Variants in SYT14 observed in about 807,000 individuals in gnomAD.
SYT14 encodes synaptotagmin 14, also known as synaptotagmin-14.
A neutral mutation model predicts 74.2 loss-of-function variants in SYT14; 32 were observed. The observed-to-expected ratio is 0.43, with a 90% CI of 0.33 to 0.58. SYT14 has a LOEUF of 0.58. Ranked by LOEUF, SYT14 falls within the 20% of genes least tolerant of loss-of-function variation. The pLI is 0.05. For missense variants in SYT14, 791 were observed against 981.8 expected, an observed-to-expected ratio of 0.81 and a Z score of 2.60; for synonymous variants, 298 against 337.7, an observed-to-expected ratio of 0.88 and a Z score of 1.29.
At chr1:210,137,764 T>A (rs1051946343) in intron 7 of SYT14, among the ~76,000 whole-genome samples, 3 of 149,482 alleles carry the variant, frequency 2.0e-5, no homozygotes, top group Non-Finnish European at 3.0e-5. Flanking sequence ...CACTGCAACC[T>A]CCGCCTCCTG....
At chr1:209,979,554 T>C (rs2079442303) in intron 2 of SYT14, among the ~76,000 whole-genome samples, 1 of 152,008 alleles carries the variant, frequency 6.6e-6, no homozygotes, top group African/African-American at 2.4e-5. Context: ...ATCAACTAGG[T>C]ATTAAGCCCA....
At chr1:210,030,413 C>T (rs1162988561) in intron 5 of SYT14, among the ~76,000 whole-genome samples, 1 of 152,098 alleles carries the variant, frequency 6.6e-6, no homozygotes, top group East Asian at 1.9e-4. Context: ...CTCAGCTGCC[C>T]AAAGTGCTGA....
intron 1 of SYT14, among the ~76,000 whole-genome samples, chr1:209,950,190 CT>C (rs1369348305): frequency 6.6e-6 from 1 of 152,068 alleles, no homozygotes; most frequent in Non-Finnish European, 1.5e-5. Context: ...CGTGATTTAA[CT>C]GTGTAACTCA....
chr1:210,142,908 G>T (rs1293553633), intron 7 of SYT14, among the ~76,000 whole-genome samples: 1 of 152,174 alleles, frequency 6.6e-6, no homozygotes, highest in Non-Finnish European at 1.5e-5. Flanking sequence ...GTTAGCTCAC[G>T]TAATCTTATC....
intron 6 of SYT14, 66 bp from the exon 6 acceptor site, chr1:210,099,946 A>AT (rs1413739781): frequency 1.9e-5 from 27 of 1,401,080 alleles, no homozygotes; most frequent in Non-Finnish European, 2.6e-5. Flanking sequence ...AATATCAAGT[A>AT]TTTATTTACA....
At chr1:209,944,213 G>A (rs2102650668) in intron 1 of SYT14, among the ~76,000 whole-genome samples, 1 of 152,214 alleles carries the variant, frequency 6.6e-6, no homozygotes, top group African/African-American at 2.4e-5. Flanking sequence ...TTGTTTTATT[G>A]TCAGTTGACT....
chr1:210,163,796 C>G (rs2083421912), exon 10 of SYT14: 1 of 453,678 alleles, frequency 2.2e-6, no homozygotes, highest in Non-Finnish European at 4.4e-6. Flanking sequence ...CGAGACAGTA[C>G]TACTGCTTCT....
chr1:210,049,162 A>G (rs2080941456), intron 5 of SYT14, among the ~76,000 whole-genome samples: 1 of 152,112 alleles, frequency 6.6e-6, no homozygotes, highest in African/African-American at 2.4e-5. Flanking sequence ...CCATTGGTGG[A>G]TCTCCCATTC....
chr1:210,033,687 T>C (rs1022738135), intron 5 of SYT14, among the ~76,000 whole-genome samples: 1 of 151,792 alleles, frequency 6.6e-6, no homozygotes, highest in Non-Finnish European at 1.5e-5. Flanking sequence ...AAGGCAGTTA[T>C]TTACTATCCA....
At chr1:210,167,755 T>C (rs1436938755) in exon 10 of SYT14, 1 of 152,190 alleles carries the variant, frequency 6.6e-6, no homozygotes, top group Non-Finnish European at 1.5e-5. Flanking sequence ...ATTACTAGTT[T>C]ATTATCAAAA....
intron 5 of SYT14, among the ~76,000 whole-genome samples, chr1:210,081,497 A>G (rs2081615543): frequency 6.6e-6 from 1 of 152,228 alleles, no homozygotes; most frequent in Non-Finnish European, 1.5e-5. Flanking sequence ...GTGTACTAGT[A>G]TTATGCCAAA....
At chr1:210,090,910 A>G (rs2081854299) in intron 5 of SYT14, among the ~76,000 whole-genome samples, 1 of 152,176 alleles carries the variant, frequency 6.6e-6, no homozygotes, top group African/African-American at 2.4e-5. Flanking sequence ...TTCCACCTAC[A>G]TTTGTGTGTT....
intron 5 of SYT14, among the ~76,000 whole-genome samples, chr1:210,064,270 T>G (rs1006327381): frequency 1.3e-5 from 2 of 152,056 alleles, no homozygotes; most frequent in Non-Finnish European, 2.9e-5. Context: ...TTCTTTTAAT[T>G]TTGGTAAAAT....
At chr1:210,036,334 T>C (rs931293415) in intron 5 of SYT14, among the ~76,000 whole-genome samples, 13 of 151,938 alleles carry the variant, frequency 8.6e-5, no homozygotes, top group African/African-American at 2.9e-4. Context: ...GAGGAGTCTT[T>C]AGAGAGATGA....
intron 2 of SYT14, among the ~76,000 whole-genome samples, chr1:210,013,001 C>T (rs2080114018): frequency 6.6e-6 from 1 of 151,692 alleles, no homozygotes; most frequent in African/African-American, 2.4e-5. Context: ...CACGCCTGGC[C>T]TTTTTTCTAA....
chr1:209,946,980 C>G (rs2078833085), intron 1 of SYT14, among the ~76,000 whole-genome samples: 1 of 152,172 alleles, frequency 6.6e-6, no homozygotes. Context: ...AAATAGAAAA[C>G]AGAGCCTAAA....
chr1:210,155,982 A>G (rs1470453396), intron 8 of SYT14, 72 bp downstream of exon 7: 14 of 1,336,136 alleles, frequency 1.0e-5, no homozygotes, highest in Middle Eastern at 1.8e-4. Flanking sequence ...AGGGAGTTCA[A>G]TCCTATCATT....
At chr1:210,028,907 A>G (rs1038457634) in intron 5 of SYT14, among the ~76,000 whole-genome samples, 8 of 152,122 alleles carry the variant, frequency 5.3e-5, no homozygotes, top group Non-Finnish European at 8.8e-5. Context: ...CAAGCGTTCC[A>G]ATTTCTCTGC....
chr1:209,938,536 C>T (rs2078674380), intron 1 of SYT14, among the ~76,000 whole-genome samples: 2 of 151,956 alleles, frequency 1.3e-5, no homozygotes, highest in Non-Finnish European at 2.9e-5. Flanking sequence ...CGGGGCAAAG[C>T]GGGCTGGCGG....
Sources: allele counts gnomAD v4.1 joint callset (sites outside exome capture counted in the v4.1 genomes callset), GRCh38; gene constraint gnomAD v4.1.1; transcripts MANE v1.5; gene names NCBI Gene and HGNC (gene_info 2026-07-23, HGNC 2026-07-21).